GABRA1: variants seen among roughly 807,000 people sequenced by gnomAD.
GABRA1 encodes gamma-aminobutyric acid type A receptor subunit alpha1.
GABRA1 carries 9 observed loss-of-function variants against 48.9 expected under a neutral mutation model. That is an observed-to-expected ratio of 0.18 (90% confidence interval 0.11 to 0.32). The LOEUF is 0.32. Ranked by LOEUF, GABRA1 falls within the 10% of genes least tolerant of loss-of-function variation. The probability of loss-of-function intolerance (pLI) is 1.00; values close to 1 mark genes in which losing one functional copy is unlikely to be tolerated. For missense variants in GABRA1, 285 were observed against 553.8 expected (o/e 0.51, Z 4.87); for synonymous variants, 210 against 198.7 (o/e 1.06, Z -0.48).
At chr5:161,856,250 T>C (rs1757639672) in intron 3 of GABRA1, among the ~76,000 whole-genome samples, 1 of 151,396 alleles carries the variant, frequency 6.6e-6, no homozygotes, top group African/African-American at 2.4e-5. Flanking sequence ...TAGATTTGCT[T>C]ACAGGAATAA....
Position 161,878,955 on chromosome 5 carries a change from G to A in GABRA1, c.559+3313G>A, listed in dbSNP as rs370266483. Among the ~76,000 whole-genome samples, 19 of 152,268 alleles carry A rather than the reference G, an allele frequency of 1.2e-4. No individual in the cohort carries two copies. The East Asian group carries it at 3.7e-3, about 29-fold the overall frequency. On this transcript the variant is annotated intron_variant, in intron 6 of 9. Transcript: ENST00000393943. ...CGACTTTAGAAATCATTTTGTTCAT[G>A]TGGCTCATACAAATGGAAACACAGA...
chr5:161,894,078 T>A (rs1431639860), intron 8 of GABRA1, among the ~76,000 whole-genome samples: 2 of 152,188 alleles, frequency 1.3e-5, no homozygotes, highest in African/African-American at 4.8e-5. Context: ...AGTAGGGATT[T>A]ATCAAAAAGG....
chr5:161,869,474 G>A (rs1182924524), intron 4 of GABRA1, among the ~76,000 whole-genome samples: 1 of 152,062 alleles, frequency 6.6e-6, no homozygotes, highest in Admixed American at 6.6e-5. Context: ...AACAAAATTA[G>A]GACAATTCTC....
chr5:161,853,508 C>A (rs1374168044), intron 2 of GABRA1, among the ~76,000 whole-genome samples: 1 of 151,716 alleles, frequency 6.6e-6, no homozygotes, highest in Non-Finnish European at 1.5e-5. Context: ...TCTAAAGGTT[C>A]TTTTTACATC....
chr5:161,862,359 C>T (rs1757896056), intron 3 of GABRA1, among the ~76,000 whole-genome samples: 1 of 151,810 alleles, frequency 6.6e-6, no homozygotes, highest in Non-Finnish European at 1.5e-5. Context: ...ACACATTTAA[C>T]ACATTTATTT....
At chr5:161,856,063 A>G (rs936126327) in intron 3 of GABRA1, among the ~76,000 whole-genome samples, 4 of 151,374 alleles carry the variant, frequency 2.6e-5, no homozygotes, top group African/African-American at 9.7e-5. Context: ...TTAATTGCAT[A>G]GAATAACTCT....
intron 8 of GABRA1, among the ~76,000 whole-genome samples, chr5:161,893,011 A>C (rs1196032963): frequency 2.0e-5 from 2 of 100,922 alleles, no homozygotes; most frequent in African/African-American, 7.1e-5. Flanking sequence ...TCTCAAAAAA[A>C]TAATAATAAT....
intron 3 of GABRA1, among the ~76,000 whole-genome samples, chr5:161,854,764 T>C (rs1327715952): frequency 6.6e-6 from 1 of 151,660 alleles, no homozygotes; most frequent in Non-Finnish European, 1.5e-5. Context: ...TGTTGTGGTT[T>C]AACTGTGCAT....
At chr5:161,871,343 G>A (rs935864089) in intron 4 of GABRA1, among the ~76,000 whole-genome samples, 2 of 152,096 alleles carry the variant, frequency 1.3e-5, no homozygotes, top group Non-Finnish European at 1.5e-5. Context: ...TCCTTCTGCT[G>A]TTGACCAATC....
rs1757558860 is a variant in GABRA1 at position 161,854,283 on chromosome 5, A to G, written c.187+13A>G. Reference sequence around the variant, plus strand: ...CCAGGATTGGGAGGTAGGTTGCATTATTGTATTTTTGTTTTAGAGAATAAT... The same window carrying G: ...CCAGGATTGGGAGGTAGGTTGCATTGTTGTATTTTTGTTTTAGAGAATAAT... On this transcript the variant is annotated intron_variant, in intron 3 of 9. Coordinates refer to ENST00000393943, the MANE Select transcript of GABRA1 (RefSeq NM_001127644.2). The G allele has an allele frequency of 1.4e-6, 2 of 1,388,952 alleles. No homozygotes were observed. Among genetic ancestry groups the G allele is most frequent in the East Asian group, 2.3e-5 (1 of 43,740 alleles). 86.0% of individuals were successfully genotyped at this position (1,388,952 alleles called of 1,614,324 possible).
intron 3 of GABRA1, among the ~76,000 whole-genome samples, chr5:161,862,415 C>T (rs762615965): frequency 1.3e-5 from 2 of 151,878 alleles, no homozygotes; most frequent in South Asian, 4.1e-4. Context: ...TTTTTTTCCT[C>T]TCCTTAATGT....
intron 7 of GABRA1, among the ~76,000 whole-genome samples, chr5:161,883,142 C>T (rs1024192700): frequency 2.0e-5 from 3 of 152,142 alleles, no homozygotes; most frequent in Non-Finnish European, 4.4e-5. Flanking sequence ...AGTCTAGGCT[C>T]CACATATTAC....
At chr5:161,860,613 C>G (rs891521611) in intron 3 of GABRA1, among the ~76,000 whole-genome samples, 4 of 150,980 alleles carry the variant, frequency 2.6e-5, no homozygotes, top group African/African-American at 9.7e-5. Flanking sequence ...TGTAACTGGA[C>G]ATTTTAAAAT....
At chr5:161,860,226 C>T (rs942599842) in intron 3 of GABRA1, among the ~76,000 whole-genome samples, 1 of 151,826 alleles carries the variant, frequency 6.6e-6, no homozygotes, top group Non-Finnish European at 1.5e-5. Context: ...AAGGAATGTT[C>T]TAGCGTGTTT....
chr5:161,850,935 T>C, intron 2 of GABRA1, 51 bp downstream of exon 2: 1 of 1,484,006 alleles, frequency 6.7e-7, no homozygotes, highest in Non-Finnish European at 9.4e-7. Context: ...AACTTTTCAT[T>C]TATTTTATCG....
intron 3 of GABRA1, among the ~76,000 whole-genome samples, chr5:161,860,719 C>T (rs1486680973): frequency 6.6e-6 from 1 of 151,772 alleles, no homozygotes; most frequent in Non-Finnish European, 1.5e-5. Flanking sequence ...TGATGCATTG[C>T]ATGCTTGTAT....
chr5:161,897,726 AT>A lies in GABRA1; in HGVS notation c.*305del, dbSNP rs1727847450. The A allele has an allele frequency of 9.9e-6, 3 of 303,698 alleles. No individual in the cohort carries two copies. The highest frequency in any genetic ancestry group is 5.5e-5 in the South Asian group (1 of 18,246). 18.8% of individuals were successfully genotyped at this position (303,698 alleles called of 1,614,324 possible). A position where few individuals can be genotyped will look rare whatever the true frequency, so the allele number is the denominator to read the frequency against. ...GATACAAGAAAAAGTAGAAAAAAAA[AT>A]AACACTTAACTAAAACCCCTAGGTC... is the stretch of plus-strand genomic sequence containing the variant. On this transcript the variant is annotated 3_prime_UTR_variant, in exon 10 of 10. Coordinates refer to ENST00000393943, the MANE Select transcript of GABRA1 (RefSeq NM_001127644.2).
At chr5:161,869,247 T>A (rs1754004990) in intron 4 of GABRA1, among the ~76,000 whole-genome samples, 1 of 152,200 alleles carries the variant, frequency 6.6e-6, no homozygotes. Context: ...CAAGATTTAA[T>A]GCTATTGAAT....
At position 161,850,826 on chromosome 5, in the gene GABRA1, G is replaced by A; in HGVS notation, c.16G>A (p.Gly6Ser). MRKSP[G>S]LSDCLWAWIL... ...CCAGCCCGCGATGAGGAAAAGTCCA[G>A]GTCTGTCTGACTGTCTTTGGGCCTG... Residue 6 changes from glycine to serine, a missense_variant, in exon 2 of 10, where the codon GGT (glycine) becomes AGT (serine). By Grantham distance (56) the Gly-to-Ser change is moderately conservative (BLOSUM62 0). Coordinates refer to ENST00000393943, the MANE Select transcript of GABRA1 (RefSeq NM_001127644.2). The A allele has an allele frequency of 6.2e-7, 1 of 1,614,090 alleles. No homozygotes were observed.
Sources: gnomAD v4.1 joint callset for allele counts (sites outside exome capture counted in the v4.1 genomes callset) on GRCh38, gnomAD v4.1.1 for gene constraint, MANE v1.5 for transcripts, NCBI Gene and HGNC (gene_info 2026-07-23, HGNC 2026-07-21) for gene names.